IDO2: variants seen among roughly 807,000 people sequenced by gnomAD.
IDO2 encodes indoleamine 2,3-dioxygenase 2.
IDO2 carries 46 observed loss-of-function variants against 45.1 expected under a neutral mutation model. That is an observed-to-expected ratio of 1.02 (90% CI 0.80 to 1.30). The LOEUF is 1.30. Among genes scored for constraint, IDO2 ranks in the 50% most tolerant of loss-of-function variants. IDO2 has a pLI of 0.00. For synonymous variants in IDO2, 218 were observed against 184.9 expected (o/e 1.18, Z -1.45); for missense variants, 544 against 491.8 (o/e 1.11, Z -1.00).
intron 6 of IDO2, chr8:39,986,865 C>CATTGTTATTATTATTATT (rs1554547865): frequency 6.9e-6 from 1 of 144,082 alleles, no homozygotes; most frequent in Non-Finnish European, 1.5e-5. Flanking sequence ...CACAATATCT[C>CATTGTTATTATTATTATT]ATTATTATTA....
intron 5 of IDO2, among the ~76,000 whole-genome samples, chr8:39,984,678 G>T (rs1466699727): frequency 1.3e-5 from 2 of 151,906 alleles, no homozygotes; most frequent in East Asian, 1.9e-4. Flanking sequence ...AGAAATAGAA[G>T]CAAAGTACTC....
intron 9 of IDO2, among the ~76,000 whole-genome samples, chr8:40,010,749 T>C (rs1401236556): frequency 2.0e-5 from 3 of 152,104 alleles, no homozygotes; most frequent in African/African-American, 7.2e-5. Flanking sequence ...AGGAAGACTA[T>C]AGGAGGAACA....
At chr8:39,966,454 C>G (rs921194735) in intron 3 of IDO2, among the ~76,000 whole-genome samples, 1 of 152,190 alleles carries the variant, frequency 6.6e-6, no homozygotes, top group African/African-American at 2.4e-5. Context: ...TTTCGAGAGA[C>G]TGAATCAGTT....
chr8:40,005,396 G>T lies in IDO2; in HGVS notation c.719+18G>T, dbSNP rs1802206096. 2 of 1,507,066 alleles carry T rather than the reference G, an allele frequency of 1.3e-6. No individual in the cohort carries two copies. Among genetic ancestry groups the T allele is most frequent in the Non-Finnish European group, 1.8e-6 (2 of 1,104,364 alleles). The allele number at this position is 1,507,066 out of a possible 1,614,324, so 93.4% of individuals were successfully genotyped here. ...CTCTCTGGGTAAGTATAGTTCAGTT[G>T]TTTTCCTGTGTGAAGTCTCTGTAGC... is the stretch of plus-strand genomic sequence containing the variant. On this transcript the variant is annotated intron_variant, in intron 9 of 10. Transcript: ENST00000502986.
intron 2 of IDO2, 65 bp from the exon 3 acceptor site, chr8:39,963,543 G>T: frequency 1.2e-6 from 1 of 866,722 alleles, no homozygotes; most frequent in South Asian, 1.6e-5. Flanking sequence ...TGTGAAAATA[G>T]CTACTCTCGG....
At chr8:39,951,124 CAG>C (rs55885823) in intron 2 of IDO2, among the ~76,000 whole-genome samples, 23,049 of 151,966 alleles carry the variant, frequency 0.15, 1,936 homozygotes, top group East Asian at 0.28. Context: ...CGGTAACACT[CAG>C]AAGTAGACAA....
chr8:40,001,918 T>G (rs1010047749), intron 8 of IDO2, among the ~76,000 whole-genome samples: 1 of 152,098 alleles, frequency 6.6e-6, no homozygotes, highest in African/African-American at 2.4e-5. Context: ...CCCAAGTAGC[T>G]GTGATAATAA....
At chr8:39,948,742 A>G (rs1202120915) in intron 1 of IDO2, among the ~76,000 whole-genome samples, 1 of 152,072 alleles carries the variant, frequency 6.6e-6, no homozygotes, top group Admixed American at 6.6e-5. Context: ...AGTTTACTCC[A>G]TTTGGCTGGA....
chr8:39,965,554 A>T (rs1188863027), intron 3 of IDO2, among the ~76,000 whole-genome samples: 1 of 152,168 alleles, frequency 6.6e-6, no homozygotes, highest in Non-Finnish European at 1.5e-5. Flanking sequence ...TGGGTTTAAT[A>T]GTGTCTTCCT....
At chr8:39,989,822 C>T (rs1808475152) in exon 8 of IDO2, 1 of 1,595,552 alleles carries the variant, frequency 6.3e-7, no homozygotes, top group African/African-American at 1.3e-5. Context: ...TCACCAAAAC[C>T]TTAGGACAGA....
chr8:39,989,746 T>C, exon 8 of IDO2: 1 of 1,599,076 alleles, frequency 6.3e-7, no homozygotes, highest in African/African-American at 1.3e-5. Flanking sequence ...ACGAATGCTA[T>C]CTTGCAGCCC....
At chr8:39,997,047 GA>G in intron 8 of IDO2, among the ~76,000 whole-genome samples, 1 of 152,240 alleles carries the variant, frequency 6.6e-6, no homozygotes, top group South Asian at 2.1e-4. Flanking sequence ...CTTTACAAAA[GA>G]AATCATTTTA....
intron 1 of IDO2, among the ~76,000 whole-genome samples, chr8:39,939,426 A>G (rs1213447684): frequency 6.6e-6 from 1 of 150,518 alleles, no homozygotes; most frequent in Non-Finnish European, 1.5e-5. Context: ...ACATGCCTGT[A>G]GTCCCAGTTA....
intron 3 of IDO2, among the ~76,000 whole-genome samples, chr8:39,965,261 G>A (rs755541362): frequency 4.6e-4 from 70 of 152,284 alleles, no homozygotes; most frequent in Non-Finnish European, 5.1e-4. Flanking sequence ...CAAGGCTGGC[G>A]GATTGCCTGA....
chr8:39,943,359 A>G (rs7003749), intron 1 of IDO2, among the ~76,000 whole-genome samples: 27,908 of 151,970 alleles, frequency 0.18, 2,969 homozygotes, highest in South Asian at 0.32. Flanking sequence ...TGACAGAGGG[A>G]CACTATCTCA....
intron 9 of IDO2, among the ~76,000 whole-genome samples, chr8:40,013,296 G>A (rs539347729): frequency 1.3e-5 from 2 of 152,058 alleles, no homozygotes; most frequent in South Asian, 2.1e-4. Context: ...CTTGGGACCT[G>A]TGCCACAAAT....
intron 2 of IDO2, among the ~76,000 whole-genome samples, chr8:39,953,031 G>T (rs1486499056): frequency 6.6e-6 from 1 of 152,042 alleles, no homozygotes; most frequent in African/African-American, 2.4e-5. Context: ...GCCTCCCAAA[G>T]TTCAAGGATT....
At chr8:40,004,882 C>T (rs145718537) in intron 8 of IDO2, among the ~76,000 whole-genome samples, 17 of 152,304 alleles carry the variant, frequency 1.1e-4, no homozygotes, top group Middle Eastern at 3.4e-3. Flanking sequence ...ACACTTGCTC[C>T]GCTCTTGTAT....
chr8:39,980,679 A>C (rs1036306501), intron 4 of IDO2, among the ~76,000 whole-genome samples: 1 of 152,212 alleles, frequency 6.6e-6, no homozygotes. Context: ...GGGGAAACAC[A>C]GGAGACTCAG....
Sources: allele counts gnomAD v4.1 joint callset (sites outside exome capture counted in the v4.1 genomes callset), GRCh38; gene constraint gnomAD v4.1.1; transcripts MANE v1.5; gene names NCBI Gene and HGNC (gene_info 2026-07-23, HGNC 2026-07-21).